DCST1: variants seen among roughly 807,000 people sequenced by gnomAD.
DCST1 encodes DC-STAMP domain containing 1.
Under a neutral mutation model 89.1 loss-of-function variants are expected in DCST1, and 78 were observed. The ratio of observed to expected loss-of-function variants is 0.88; its 90% CI spans 0.73 to 1.06. The LOEUF is 1.06. DCST1 is among the 50% of genes least tolerant of loss of function. The probability of loss-of-function intolerance (pLI) is 0.00; values close to 1 mark genes in which losing one functional copy is unlikely to be tolerated. For synonymous variants in DCST1, 364 were observed against 371.9 expected, an observed-to-expected ratio of 0.98 and a Z score of 0.24; for missense variants, 900 against 928.6, an observed-to-expected ratio of 0.97 and a Z score of 0.40.
rs759161661 is a variant in DCST1 at position 155,046,434 on chromosome 1, C to T, written c.1443C>T (p.Tyr481=). The change falls in exon 13 of 17, where the codon TAC becomes TAT. Residue 481 remains tyrosine, a synonymous_variant. Transcript: ENST00000295542. ...VVLCGLDWAL[Y]SIFDTIRHHS... ...TGTGTGGCTTGGACTGGGCTCTCTACTCCATCTTCGACACCATCCGCCACC... is the reference window on the plus strand; with the variant it reads ...TGTGTGGCTTGGACTGGGCTCTCTATTCCATCTTCGACACCATCCGCCACC... The T allele has an allele frequency of 6.2e-7, 1 of 1,613,884 alleles. No individual in the cohort carries two copies. Among genetic ancestry groups the T allele is most frequent in the Non-Finnish European group, 8.5e-7 (1 of 1,180,014 alleles).
At chr1:155,049,189 G>T in intron 16 of DCST1, 1 of 640,772 alleles carries the variant, frequency 1.6e-6, no homozygotes, top group Admixed American at 2.5e-5. Context: ...CTTAACTGCT[G>T]TGCCTGGGCT....
intron 2 of DCST1, 30 bp downstream of exon 2, chr1:155,034,127 CTT>C (rs1416999894): frequency 2.5e-6 from 4 of 1,613,190 alleles, no homozygotes; most frequent in Admixed American, 3.3e-5. Context: ...CCCAGTATCC[CTT>C]GACCTCCACT....
intron 9 of DCST1, 133 bp from the exon 10 acceptor site, chr1:155,043,219 T>G (rs1660487825): frequency 1.5e-6 from 2 of 1,296,642 alleles, no homozygotes; most frequent in Non-Finnish European, 2.1e-6. Context: ...CAGAAGGAAG[T>G]GACAACTCCT....
rs368224922 is a variant in DCST1, at chr1:155,034,492, G to A, written c.119G>A (p.Arg40His). The A allele has an allele frequency of 1.9e-5, 31 of 1,613,536 alleles. No homozygotes were observed. Among genetic ancestry groups the A allele is most frequent in the Middle Eastern group, 1.6e-4 (1 of 6,080 alleles). ...LPVSCSWFLW[R>H]QPGEFPVTAL... ...GTCTCCTGTAGCTGGTTCCTGTGGCGCCAGCCGGGCGAGTTTCCTGTCACT... is the reference window on the plus strand; with the variant it reads ...GTCTCCTGTAGCTGGTTCCTGTGGCACCAGCCGGGCGAGTTTCCTGTCACT... The change falls in exon 3 of 17, where the codon CGC becomes CAC. Residue 40 changes from arginine to histidine, a missense_variant. Physicochemically the swap from Arg to His is conservative, Grantham distance 29. Transcript: ENST00000295542.
intron 8 of DCST1, among the ~76,000 whole-genome samples, chr1:155,042,463 C>G (rs2102356077): frequency 1.3e-5 from 2 of 152,242 alleles, no homozygotes; most frequent in Middle Eastern, 6.8e-3. Flanking sequence ...AGCTGGCACA[C>G]AGAGGAGCTG....
rs924099410 is a variant in DCST1, at chr1:155,045,601, T to A, written c.1173-292T>A. On this transcript the variant is annotated intron_variant, in intron 10 of 16. Coordinates refer to ENST00000295542, the MANE Select transcript of DCST1 (RefSeq NM_152494.4). ...CCTACCTCAGATGCACACATGCAAC[T>A]CCCTCCCAGACAGGCTGACCATGCC... 2.7e-4 allele frequency: 119 copies of A among 447,032 alleles called. 2 individuals carry two copies. The highest frequency in any genetic ancestry group is 2.6e-3 in the South Asian group (114 of 44,314). The allele number at this position is 447,032 out of a possible 1,614,324, so 27.7% of individuals were successfully genotyped here.
At position 155,047,266 on chromosome 1, in the gene DCST1, G is replaced by A. The variant is rs1176144604; in HGVS notation, c.1566G>A (p.Gly522=). ...MLARLLRKTI[G]ALNTSSETVM... ...CCCGGCTTCTTCGAAAAACCATTGG[G>A]GCCCTGAACACCTCCTCAGAGACAG... The change falls in exon 14 of 17, where the codon GGG becomes GGA. Residue 522 remains glycine, a synonymous_variant. Transcript: ENST00000295542. 3.7e-6 allele frequency: 6 copies of A among 1,614,044 alleles called. No homozygotes were observed. Among genetic ancestry groups the A allele is most frequent in the Non-Finnish European group, 5.1e-6 (6 of 1,180,018 alleles).
chr1:155,041,765 A>T lies in DCST1; in HGVS notation c.800A>T (p.His267Leu). 4 of 1,614,242 alleles carry T rather than the reference A, an allele frequency of 2.5e-6. No individual in the cohort carries two copies. Among genetic ancestry groups the T allele is most frequent in the Non-Finnish European group, 3.4e-6 (4 of 1,180,044 alleles). ...LSCRRWFDRKHEQCMKHIWVP... is the reference protein window; with the variant it reads ...LSCRRWFDRKLEQCMKHIWVP... ...TGCCGTCGTTGGTTTGACCGCAAGC[A>T]TGAACAGTGCATGAAGCACATCTGG... Residue 267 changes from histidine (H) to leucine (L), a missense_variant, in exon 8 of 17, where the codon CAT (histidine) becomes CTT (leucine). His to Leu is a moderately conservative substitution (Grantham distance 99, BLOSUM62 -3). Transcript: ENST00000295542.
At chr1:155,046,759 C>G (rs530460804) in intron 13 of DCST1, among the ~76,000 whole-genome samples, 53 of 152,142 alleles carry the variant, frequency 3.5e-4, no homozygotes, top group African/African-American at 1.3e-3. Context: ...GTGTGAGCCA[C>G]CACGGCCAGC....
At chr1:155,047,950 C>T (rs368994874) in intron 15 of DCST1, 21 bp downstream of exon 15, 2 of 1,613,780 alleles carry the variant, frequency 1.2e-6, no homozygotes, top group African/African-American at 1.3e-5. Flanking sequence ...CCCCAGACCT[C>T]TCCACCCCTA....
chr1:155,043,809 G>C (rs1232068545), intron 10 of DCST1, among the ~76,000 whole-genome samples: 1 of 149,874 alleles, frequency 6.7e-6, no homozygotes, highest in Non-Finnish European at 1.5e-5. Context: ...ATTTTTTCTT[G>C]CCCTTCATAT....
chr1:155,033,975 C>T lies in DCST1; in HGVS notation c.-62C>T. 1 of 1,599,270 alleles carries T rather than the reference C, an allele frequency of 6.3e-7. No homozygotes were observed. Among genetic ancestry groups the T allele is most frequent in the East Asian group, 2.2e-5 (1 of 44,802 alleles). ...AGCACCTCTCTTCTCTCACCAGAAC[C>T]TTGTGTCCAAGGAGGTCCTTCAGGA... On this transcript the variant is annotated 5_prime_UTR_variant, in exon 2 of 17. Transcript: ENST00000295542.
chr1:155,037,096 G>T (rs1660300471), intron 4 of DCST1, among the ~76,000 whole-genome samples: 1 of 152,272 alleles, frequency 6.6e-6, no homozygotes, highest in South Asian at 2.1e-4. Flanking sequence ...CCTCTCTCCT[G>T]CCCTGATGAG....
Position 155,042,492 on chromosome 1 carries a change from T to G in DCST1, c.893-243T>G, listed in dbSNP as rs146143531. On this transcript the variant is annotated intron_variant, in intron 8 of 16. Transcript: ENST00000295542. Reference sequence around the variant, plus strand: ...GGAGCTGCTCTGTAAACGCTGGCTCTCCTTACTGATGTTTGTTATGGTTGA... The same window carrying G: ...GGAGCTGCTCTGTAAACGCTGGCTCGCCTTACTGATGTTTGTTATGGTTGA... Among the ~76,000 whole-genome samples, 883 of 152,360 alleles carry G rather than the reference T, an allele frequency of 5.8e-3. 5 individuals carry two copies. Among genetic ancestry groups the G allele is most frequent in the Non-Finnish European group, 8.8e-3 (598 of 68,038 alleles).
At chr1:155,039,365 C>T in intron 4 of DCST1, 38 bp from the exon 5 acceptor site, 1 of 1,477,808 alleles carries the variant, frequency 6.8e-7, no homozygotes, top group African/African-American at 1.4e-5. Context: ...AGGCAGCTTC[C>T]TCACTTCAGC....
At chr1:155,037,286 G>T (rs1446980209) in intron 4 of DCST1, among the ~76,000 whole-genome samples, 1 of 152,064 alleles carries the variant, frequency 6.6e-6, no homozygotes, top group Non-Finnish European at 1.5e-5. Context: ...GACCAGGCAG[G>T]TTCCCCTTCC....
rs140046030 is a variant in DCST1, at chr1:155,034,502, C to T, written c.129C>T (p.Gly43=). The T allele has an allele frequency of 4.0e-5, 64 of 1,613,460 alleles. No homozygotes were observed. Among genetic ancestry groups the T allele is most frequent in the Middle Eastern group, 1.6e-4 (1 of 6,080 alleles). The change falls in exon 3 of 17, where the codon GGC becomes GGT. Residue 43 remains glycine, a synonymous_variant. Transcript: ENST00000295542. Reference sequence around the variant, plus strand: ...GCTGGTTCCTGTGGCGCCAGCCGGGCGAGTTTCCTGTCACTGCTCTCCTGC... The same window carrying T: ...GCTGGTTCCTGTGGCGCCAGCCGGGTGAGTTTCCTGTCACTGCTCTCCTGC... ...SCSWFLWRQP[G]EFPVTALLLG...
Position 155,047,827 on chromosome 1 carries a change from C to G in DCST1, c.1653C>G (p.Tyr551Ter), listed in dbSNP as rs1660705509. Reference protein sequence around the residue: ...PQPVGLDARAYWRAAVPIGLL... With the variant: ...PQPVGLDARA ...CTGTGGGCCTGGATGCCAGGGCCTA[C>G]TGGAGAGCTGCAGTACCGATTGGCC... Residue 551 changes from tyrosine (Y) to a stop codon, truncating the protein, a stop_gained, in exon 15 of 17, where the codon TAC becomes TAG. Coordinates refer to ENST00000295542, the MANE Select transcript of DCST1 (RefSeq NM_152494.4). LOFTEE classifies it high-confidence loss of function. 1.2e-6 allele frequency: 2 copies of G among 1,614,094 alleles called. No homozygotes were observed. Among genetic ancestry groups the G allele is most frequent in the Non-Finnish European group, 1.7e-6 (2 of 1,180,044 alleles).
Position 155,050,736 on chromosome 1 carries a change from G to A in DCST1, c.1989G>A (p.Leu663=), listed in dbSNP as rs770506722. The A allele has an allele frequency of 3.1e-6, 5 of 1,610,512 alleles. No individual in the cohort carries two copies. The change falls in exon 17 of 17, where the codon CTG becomes CTA. Residue 663 remains leucine (L), a synonymous_variant. Coordinates refer to ENST00000295542, the MANE Select transcript of DCST1 (RefSeq NM_152494.4). The part of the protein sequence containing the change: ...ETPESYVCRT[L]DCEAVYCWSC... ...CCGAGTCCTACGTGTGCCGGACGCTGGACTGCGAGGCCGTGTACTGCTGGT... is the reference window on the plus strand; with the variant it reads ...CCGAGTCCTACGTGTGCCGGACGCTAGACTGCGAGGCCGTGTACTGCTGGT...
Sources: gnomAD v4.1 joint callset for allele counts (sites outside exome capture counted in the v4.1 genomes callset) on GRCh38, gnomAD v4.1.1 for gene constraint, MANE v1.5 for transcripts, NCBI Gene and HGNC (gene_info 2026-07-23, HGNC 2026-07-21) for gene names.